The following TMEM150C variants were observed in gnomAD, a reference collection of about 807,000 sequenced individuals.
TMEM150C encodes the protein transmembrane protein 150C.
Under a neutral mutation model 29.9 loss-of-function variants are expected in TMEM150C, and 10 were observed. The observed-to-expected ratio is 0.33, with a 90% CI of 0.21 to 0.57. The LOEUF (loss-of-function observed/expected upper bound fraction) is 0.57, where lower values mean the gene tolerates loss of function less well. TMEM150C is among the 20% of genes least tolerant of loss of function. The probability of loss-of-function intolerance (pLI) is 0.88; values close to 1 mark genes in which losing one functional copy is unlikely to be tolerated. For missense variants in TMEM150C, 251 were observed against 303.6 expected (o/e 0.83, Z 1.29); for synonymous variants, 101 against 112.5 (o/e 0.90, Z 0.64).
At chr4:82,557,624 G>T (rs768095967) in intron 1 of TMEM150C, among the ~76,000 whole-genome samples, 8 of 152,154 alleles carry the variant, frequency 5.3e-5, no homozygotes, top group Non-Finnish European at 8.8e-5. Flanking sequence ...TATTATTGAG[G>T]CTAGCAGACA....
intron 7 of TMEM150C, among the ~76,000 whole-genome samples, chr4:82,486,762 C>T (rs1209372516): frequency 6.6e-6 from 1 of 151,768 alleles, no homozygotes; most frequent in African/African-American, 2.4e-5. Flanking sequence ...AAAAGAAAAA[C>T]AAATGAGACT....
chr4:82,516,145 G>A (rs1157366606), intron 1 of TMEM150C, among the ~76,000 whole-genome samples: 1 of 152,132 alleles, frequency 6.6e-6, no homozygotes, highest in Non-Finnish European at 1.5e-5. Flanking sequence ...AAGTTCAAGA[G>A]ATGGGGACCC....
intron 1 of TMEM150C, among the ~76,000 whole-genome samples, chr4:82,551,839 G>A (rs1725593395): frequency 6.6e-6 from 1 of 152,192 alleles, no homozygotes; most frequent in African/African-American, 2.4e-5. Flanking sequence ...TCTTAAACAT[G>A]CAGTAGGCAC....
chr4:82,485,446 A>T lies in TMEM150C; in HGVS notation c.*65T>A. The stretch of plus-strand genomic sequence containing the variant: ...ATGAGGTTCTATGTCAAGTCCTGTG[A>T]GTGTGTCCTACTGGCCCCTCCCCCA... On this transcript the variant is annotated 3_prime_UTR_variant, in exon 8 of 8. Transcript: ENST00000449862. 1.7e-6 allele frequency: 2 copies of T among 1,210,658 alleles called. No homozygotes were observed. The highest frequency in any genetic ancestry group is 2.4e-6 in the Non-Finnish European group (2 of 841,420). The allele number at this position is 1,210,658 out of a possible 1,614,324, so 75.0% of individuals were successfully genotyped here. A position where few individuals can be genotyped will look rare whatever the true frequency, so the allele number is the denominator to read the frequency against.
chr4:82,492,864 GTATATATATATATATATATA>G (rs58169287), intron 6 of TMEM150C, among the ~76,000 whole-genome samples: 13 of 90,274 alleles, frequency 1.4e-4, no homozygotes, highest in East Asian at 6.9e-4. Flanking sequence ...ATATGTTTGT[GTATATATATATATATATATA>G]TATATATATA....
chr4:82,509,739 G>A (rs1269342196), intron 1 of TMEM150C: 2 of 152,106 alleles, frequency 1.3e-5, no homozygotes, highest in East Asian at 1.9e-4. Flanking sequence ...AGGTTGCAGT[G>A]AGCCGAGATC....
At chr4:82,547,002 CTT>C (rs1038730431) in intron 1 of TMEM150C, among the ~76,000 whole-genome samples, 23 of 152,020 alleles carry the variant, frequency 1.5e-4, no homozygotes, top group Non-Finnish European at 3.1e-4. Context: ...GAATTTATGA[CTT>C]AGTTCTCAAA....
chr4:82,552,700 T>C (rs1364581107), intron 1 of TMEM150C, among the ~76,000 whole-genome samples: 1 of 152,150 alleles, frequency 6.6e-6, no homozygotes, highest in East Asian at 1.9e-4. Flanking sequence ...TTTAATAGAT[T>C]TGGGGTGCCG....
At chr4:82,500,996 A>G (rs574017932) in intron 5 of TMEM150C, among the ~76,000 whole-genome samples, 36 of 152,372 alleles carry the variant, frequency 2.4e-4, no homozygotes, top group Admixed American at 2.4e-3. Context: ...GCATACGAAT[A>G]GATGGCAGCC....
chr4:82,529,563 C>G lies in TMEM150C; in HGVS notation c.-10-24896G>C, dbSNP rs543858234. Among the ~76,000 whole-genome samples the G allele has an allele frequency of 6.6e-5, 10 of 152,258 alleles. No individual in the cohort carries two copies. The South Asian group carries it at 2.1e-3, about 32-fold the overall frequency. ...TTGGCCTCCCCAAGTGCTGGGATTACAGGTATGAGCCACTATGCCCACCTG... is the reference window on the plus strand; with the variant it reads ...TTGGCCTCCCCAAGTGCTGGGATTAGAGGTATGAGCCACTATGCCCACCTG... On this transcript the variant is annotated intron_variant, in intron 1 of 7. Transcript: ENST00000449862.
At chr4:82,546,620 A>C (rs746777135) in intron 1 of TMEM150C, among the ~76,000 whole-genome samples, 1 of 152,108 alleles carries the variant, frequency 6.6e-6, no homozygotes, top group Non-Finnish European at 1.5e-5. Context: ...CGAGGCCAGG[A>C]GATCGAGACC....
In TMEM150C at chr4:82,521,309, CCA is replaced by C. The variant is rs1724477469; in HGVS notation, c.-10-16644_-10-16643del. 5.9e-5 allele frequency among the ~76,000 whole-genome samples: 9 copies of C among 152,292 alleles called. 1 individual carries two copies. Among genetic ancestry groups the C allele is most frequent in the Admixed American group, 5.9e-4 (9 of 15,294 alleles). On this transcript the variant is annotated intron_variant, in intron 1 of 7. Transcript: ENST00000449862. Reference sequence around the variant, plus strand: ...TTTACCTTTTGCTCCTTGTTTTTCCCCAGTCTCTAAAACAAGACCTCACCCAT... The same window carrying C: ...TTTACCTTTTGCTCCTTGTTTTTCCCGTCTCTAAAACAAGACCTCACCCAT...
Position 82,543,514 on chromosome 4 carries a change from C to T in TMEM150C, c.-11+18392G>A, listed in dbSNP as rs559995506. On this transcript the variant is annotated intron_variant, in intron 1 of 7. Coordinates refer to ENST00000449862, the MANE Select transcript of TMEM150C (RefSeq NM_001080506.3). The stretch of plus-strand genomic sequence containing the variant: ...GTAACGCTGTTACTACTTTTTCTAG[C>T]CTACTAGAAAAAAATGAAAGAAAAC... Among the ~76,000 whole-genome samples the T allele has an allele frequency of 7.9e-5, 12 of 152,192 alleles. No individual in the cohort carries two copies. In the South Asian group the frequency reaches 2.5e-3, roughly 32 times the overall value.
chr4:82,496,748 C>T (rs1259000426), intron 5 of TMEM150C, among the ~76,000 whole-genome samples: 1 of 152,302 alleles, frequency 6.6e-6, no homozygotes, highest in East Asian at 1.9e-4. Flanking sequence ...CTGGTGCCAG[C>T]GCCATAAACC....
chr4:82,541,066 T>A (rs1410344242), intron 1 of TMEM150C, among the ~76,000 whole-genome samples: 1 of 152,176 alleles, frequency 6.6e-6, no homozygotes, highest in Non-Finnish European at 1.5e-5. Flanking sequence ...CTCAAATATT[T>A]GTTATGGGGA....
At chr4:82,547,084 G>A (rs2110090512) in intron 1 of TMEM150C, among the ~76,000 whole-genome samples, 1 of 152,158 alleles carries the variant, frequency 6.6e-6, no homozygotes, top group Admixed American at 6.5e-5. Flanking sequence ...GCACAGCAAA[G>A]GAACTATCAA....
chr4:82,548,913 G>A (rs1378249375), intron 1 of TMEM150C, among the ~76,000 whole-genome samples: 1 of 152,342 alleles, frequency 6.6e-6, no homozygotes, highest in Middle Eastern at 3.4e-3. Context: ...GGAATCATGA[G>A]TAAGTCAGAG....
intron 1 of TMEM150C, among the ~76,000 whole-genome samples, chr4:82,547,757 A>T (rs532779849): frequency 6.6e-6 from 1 of 152,332 alleles, no homozygotes; most frequent in South Asian, 2.1e-4. Flanking sequence ...TGTTGGTGGG[A>T]ATATAAATTA....
At chr4:82,486,491 G>C (rs1047626747) in intron 7 of TMEM150C, among the ~76,000 whole-genome samples, 1 of 152,074 alleles carries the variant, frequency 6.6e-6, no homozygotes, top group African/African-American at 2.4e-5. Flanking sequence ...TACTAACCGT[G>C]TCTGAGTGGC....
Sources: gnomAD v4.1 joint callset for allele counts (sites outside exome capture counted in the v4.1 genomes callset) on GRCh38, gnomAD v4.1.1 for gene constraint, MANE v1.5 for transcripts, NCBI Gene and HGNC (gene_info 2026-07-23, HGNC 2026-07-21) for gene names.